Variants in PARN observed in about 807,000 individuals in gnomAD.
The protein encoded by PARN is poly(A)-specific ribonuclease PARN.
In PARN, 71 loss-of-function variants were observed where a neutral mutation model predicts 102.8. That is an observed-to-expected ratio of 0.69 (90% CI 0.57 to 0.84). The LOEUF is 0.84. Among genes scored for constraint, PARN ranks in the 40% least tolerant of loss-of-function variants. PARN has a pLI of 0.00. For synonymous variants in PARN, 261 were observed against 252.9 expected, an observed-to-expected ratio of 1.03 and a Z score of -0.30; for missense variants, 782 against 760.9, an observed-to-expected ratio of 1.03 and a Z score of -0.33.
chr16:14,579,572 A>G (rs1283556026), intron 18 of PARN, among the ~76,000 whole-genome samples: 1 of 152,204 alleles, frequency 6.6e-6, no homozygotes, highest in Non-Finnish European at 1.5e-5. Flanking sequence ...CGTGACTCAA[A>G]AAAATAATAA....
chr16:14,486,046 G>A (rs1963667466), intron 21 of PARN, among the ~76,000 whole-genome samples: 1 of 152,182 alleles, frequency 6.6e-6, no homozygotes, highest in African/African-American at 2.4e-5. Context: ...CACCCAAAAG[G>A]GATGACATCT....
chr16:14,457,796 T>TC (rs1222787055), intron 22 of PARN, among the ~76,000 whole-genome samples: 1 of 32,570 alleles, frequency 3.1e-5, no homozygotes, highest in Non-Finnish European at 5.3e-5. Context: ...AGACTCTGTC[T>TC]CAAAAAAAAA....
intron 22 of PARN, among the ~76,000 whole-genome samples, chr16:14,460,343 AAGGAACTCTG>A (rs1162632998): frequency 6.6e-6 from 1 of 152,242 alleles, no homozygotes; most frequent in East Asian, 1.9e-4. Context: ...GACAGAAATA[AAGGAACTCTG>A]AGGAAACAAG....
chr16:14,545,882 A>T (rs936433474), intron 21 of PARN, among the ~76,000 whole-genome samples: 18 of 152,250 alleles, frequency 1.2e-4, no homozygotes, highest in Admixed American at 1.1e-3. Flanking sequence ...AAAAAAGAAG[A>T]AAAGAAGAAC....
chr16:14,491,799 CAAAT>C (rs771499149), intron 21 of PARN, among the ~76,000 whole-genome samples: 42 of 152,062 alleles, frequency 2.8e-4, no homozygotes, highest in Admixed American at 9.2e-4. Context: ...AATAAGTAAA[CAAAT>C]AAATGAATGA....
intron 22 of PARN, among the ~76,000 whole-genome samples, chr16:14,452,361 A>C (rs768281650): frequency 3.3e-5 from 5 of 152,164 alleles, no homozygotes; most frequent in Non-Finnish European, 7.3e-5. Context: ...ACAGTTTCTC[A>C]ATTAATTTAC....
intron 19 of PARN, among the ~76,000 whole-genome samples, chr16:14,554,563 T>C (rs1334316206): frequency 6.6e-6 from 1 of 152,030 alleles, no homozygotes; most frequent in Non-Finnish European, 1.5e-5. Flanking sequence ...CCTGAGCAGC[T>C]GAGGCTACAG....
At chr16:14,625,926 C>A (rs1972619806) in intron 5 of PARN, among the ~76,000 whole-genome samples, 1 of 152,186 alleles carries the variant, frequency 6.6e-6, no homozygotes. Flanking sequence ...CACAACCATA[C>A]CCCTTACTCA....
intron 6 of PARN, among the ~76,000 whole-genome samples, chr16:14,613,306 T>C (rs1288421249): frequency 1.6e-5 from 2 of 121,344 alleles, no homozygotes; most frequent in African/African-American, 3.2e-5. Flanking sequence ...TGAAACTCCA[T>C]CTCAAAAAAA....
At chr16:14,453,615 C>A (rs1427947324) in intron 22 of PARN, among the ~76,000 whole-genome samples, 10 of 152,228 alleles carry the variant, frequency 6.6e-5, no homozygotes, top group Admixed American at 6.5e-4. Flanking sequence ...CACATTGTCA[C>A]AGCAACTATT....
intron 5 of PARN, among the ~76,000 whole-genome samples, chr16:14,623,327 A>T (rs1972436579): frequency 6.6e-6 from 1 of 151,926 alleles, no homozygotes; most frequent in African/African-American, 2.4e-5. Context: ...CATCCTGGCC[A>T]ACATGGTGAA....
intron 22 of PARN, among the ~76,000 whole-genome samples, chr16:14,451,721 T>C (rs1032868268): frequency 1.3e-5 from 2 of 151,486 alleles, no homozygotes; most frequent in African/African-American, 2.4e-5. Context: ...TCAAAACTTC[T>C]ATCTTGGCCA....
rs576638299 is a variant in PARN, at chr16:14,552,036, C to A, written c.1465G>T (p.Glu489Ter). 1.2e-6 allele frequency: 2 copies of A among 1,611,124 alleles called. No homozygotes were observed. Among genetic ancestry groups the A allele is most frequent in the African/African-American group, 1.3e-5 (1 of 74,822 alleles). Reference protein sequence around the residue: ...TSAFVSLSQPEQVKIAVNTSK... With the variant: ...TSAFVSLSQP ...AAACACTTACCAATCTTTACTTGCT[C>A]GGGCTGGCTAAGGGAAACAAATGCT... The change falls in exon 21 of 24, where the codon GAG (glutamate) becomes TAG (stop). Residue 489 changes from glutamate to a stop codon, truncating the protein, a stop_gained. Transcript: ENST00000437198. LOFTEE classifies it high-confidence loss of function.
At chr16:14,480,805 G>A (rs1963335178) in intron 22 of PARN, among the ~76,000 whole-genome samples, 1 of 152,128 alleles carries the variant, frequency 6.6e-6, no homozygotes. Context: ...ACCGGGTGTG[G>A]TGGTGCACAT....
chr16:14,519,473 T>A (rs1223538466), intron 21 of PARN, among the ~76,000 whole-genome samples: 2 of 152,098 alleles, frequency 1.3e-5, no homozygotes, highest in Admixed American at 6.5e-5. Context: ...GCCATTTTCC[T>A]TGAAAGGAAC....
At chr16:14,456,595 G>C (rs1009709662) in intron 22 of PARN, among the ~76,000 whole-genome samples, 1 of 151,966 alleles carries the variant, frequency 6.6e-6, no homozygotes, top group Non-Finnish European at 1.5e-5. Context: ...TCTCATATTT[G>C]GTAACTGTAT....
chr16:14,599,880 T>C (rs751610676), intron 12 of PARN, 24 bp downstream of exon 12: 2 of 1,506,264 alleles, frequency 1.3e-6, no homozygotes, highest in African/African-American at 2.8e-5. Context: ...TCTGCAATCT[T>C]GCTAAAAAGT....
chr16:14,550,673 T>C (rs1167430474), intron 21 of PARN, among the ~76,000 whole-genome samples: 5 of 152,350 alleles, frequency 3.3e-5, no homozygotes, highest in South Asian at 4.1e-4. Context: ...AATTTTCATA[T>C]ATAATTACTC....
At chr16:14,630,081 C>G in intron 1 of PARN, 26 bp downstream of exon 1, 2 of 1,550,562 alleles carry the variant, frequency 1.3e-6, no homozygotes, top group Admixed American at 1.9e-5. Context: ...TGTGGGGAGG[C>G]GGGGAGGTGT....
Sources: allele counts gnomAD v4.1 joint callset (sites outside exome capture counted in the v4.1 genomes callset), GRCh38; gene constraint gnomAD v4.1.1; transcripts MANE v1.5; gene names NCBI Gene and HGNC (gene_info 2026-07-23, HGNC 2026-07-21).